FLRT2: variants seen among roughly 807,000 people sequenced by gnomAD.
FLRT2 encodes leucine-rich repeat transmembrane protein FLRT2.
A neutral mutation model predicts 40.0 loss-of-function variants in FLRT2; 15 were observed. The observed-to-expected ratio is 0.38, with a 90% CI of 0.25 to 0.58. The LOEUF is 0.58. FLRT2 is among the 20% of genes least tolerant of loss of function. The pLI is 0.71. For synonymous variants in FLRT2, 380 were observed against 336.8 expected (o/e 1.13, Z -1.41); for missense variants, 726 against 840.0 (o/e 0.86, Z 1.68).
chr14:85,555,911 C>T (rs1889930497), intron 1 of FLRT2, among the ~76,000 whole-genome samples: 1 of 151,712 alleles, frequency 6.6e-6, no homozygotes, highest in African/African-American at 2.4e-5. Flanking sequence ...TGGAAGAAAG[C>T]CAACTATTAA....
In FLRT2 at chr14:85,639,846, T is replaced by TA. The variant is rs1332140169; in HGVS notation, c.*16349_*16350insA. On this transcript the variant is annotated 3_prime_UTR_variant, in exon 2 of 2. Transcript: ENST00000330753. ...TAGCAGAAATTCTTTATTTTTTTTT[T>TA]TTTCCTTTTTTTTTTTTTTTGAGAC... 4 of 102,744 alleles carry TA rather than the reference T, an allele frequency of 3.9e-5. No individual in the cohort carries two copies. Among genetic ancestry groups the TA allele is most frequent in the African/African-American group, 1.6e-4 (4 of 24,594 alleles). The allele number at this position is 102,744 out of a possible 1,614,324, so 6.4% of individuals were successfully genotyped here.
intron 1 of FLRT2, among the ~76,000 whole-genome samples, chr14:85,564,654 G>A (rs975796256): frequency 4.6e-5 from 7 of 152,194 alleles, no homozygotes; most frequent in African/African-American, 1.4e-4. Context: ...CATGCACACC[G>A]TTTTCTGTGT....
intron 1 of FLRT2, among the ~76,000 whole-genome samples, chr14:85,594,593 A>G (rs1395575223): frequency 6.6e-6 from 1 of 152,214 alleles, no homozygotes; most frequent in Non-Finnish European, 1.5e-5. Flanking sequence ...CTCTGAAAGA[A>G]TGAGGGTCTT....
chr14:85,563,469 TG>T (rs1211701909), intron 1 of FLRT2, among the ~76,000 whole-genome samples: 1 of 152,182 alleles, frequency 6.6e-6, no homozygotes, highest in Non-Finnish European at 1.5e-5. Flanking sequence ...AAAGCATGGC[TG>T]GGGAGGCCTC....
chr14:85,544,920 G>GT (rs1889193851), intron 1 of FLRT2, among the ~76,000 whole-genome samples: 1 of 152,142 alleles, frequency 6.6e-6, no homozygotes, highest in Admixed American at 6.6e-5. Flanking sequence ...TGGCTGAAAA[G>GT]AGTAGAAGAG....
At chr14:85,583,743 C>CAG (rs1891493964) in intron 1 of FLRT2, among the ~76,000 whole-genome samples, 1 of 152,134 alleles carries the variant, frequency 6.6e-6, no homozygotes, top group African/African-American at 2.4e-5. Context: ...AGAGCAGAGG[C>CAG]AGAAGCCTCC....
Position 85,602,429 on chromosome 14 carries a change from C to T in FLRT2, c.-376-18710C>T, listed in dbSNP as rs535827106. The stretch of plus-strand genomic sequence containing the variant: ...CAATTGGAAGGCGAGATGGCACTTC[C>T]GATTTTATTAAAGCACGCTGGAGCT... On this transcript the variant is annotated intron_variant, in intron 1 of 1. Transcript: ENST00000330753. Among the ~76,000 whole-genome samples, 18 of 152,242 alleles carry T rather than the reference C, an allele frequency of 1.2e-4. No individual in the cohort carries two copies. The South Asian group carries it at 3.3e-3, about 28-fold the overall frequency.
intron 1 of FLRT2, among the ~76,000 whole-genome samples, chr14:85,605,885 G>A (rs976364107): frequency 3.9e-5 from 6 of 152,152 alleles, no homozygotes; most frequent in Middle Eastern, 6.8e-3. Context: ...CCATAGCACC[G>A]ATTGAATTCA....
chr14:85,598,536 T>G (rs553624020), intron 1 of FLRT2, among the ~76,000 whole-genome samples: 5 of 152,346 alleles, frequency 3.3e-5, no homozygotes, highest in Admixed American at 2.6e-4. Context: ...CAGCCCTTTA[T>G]GTCCACTGAA....
At chr14:85,601,824 A>G (rs568886192) in intron 1 of FLRT2, among the ~76,000 whole-genome samples, 1 of 152,360 alleles carries the variant, frequency 6.6e-6, no homozygotes, top group African/African-American at 2.4e-5. Flanking sequence ...TGGATAGCTA[A>G]GAAAGAGTAC....
At position 85,643,458 on chromosome 14, in the gene FLRT2, T is replaced by C. The variant is rs1364947247; in HGVS notation, c.*19961T>C. On this transcript the variant is annotated 3_prime_UTR_variant, in exon 2 of 2. Coordinates refer to ENST00000330753, the MANE Select transcript of FLRT2 (RefSeq NM_013231.6). The stretch of plus-strand genomic sequence containing the variant: ...CCCAGGCAGGAATGCAGTGGCGTGA[T>C]CTCAGCTCACTGCAACCTCCGCCTC... The C allele has an allele frequency of 6.6e-6, 1 of 152,078 alleles. No individual in the cohort carries two copies. The highest frequency in any genetic ancestry group is 1.5e-5 in the Non-Finnish European group (1 of 68,326). 9.4% of individuals were successfully genotyped at this position (152,078 alleles called of 1,614,324 possible).
At chr14:85,590,317 T>A (rs1047919511) in intron 1 of FLRT2, among the ~76,000 whole-genome samples, 6 of 152,224 alleles carry the variant, frequency 3.9e-5, no homozygotes, top group Admixed American at 3.9e-4. Flanking sequence ...TAGACGAATT[T>A]CCTTCCTCTT....
chr14:85,535,913 TTTTTTTTTGTTG>T (rs1190114548), intron 1 of FLRT2, among the ~76,000 whole-genome samples: 7 of 79,290 alleles, frequency 8.8e-5, no homozygotes, highest in African/African-American at 3.4e-4. Context: ...TTTTTTTTTT[TTTTTTTTTGTTG>T]TTGTTGTTGT....
rs1191892404 is a variant in FLRT2 at position 85,652,522 on chromosome 14, C to T, written c.*29025C>T. On this transcript the variant is annotated 3_prime_UTR_variant, in exon 2 of 2. Coordinates refer to ENST00000330753, the MANE Select transcript of FLRT2 (RefSeq NM_013231.6). ...AACGTTCTTCATCTGATTAAACAAACAAAAAACCCATCTTTATTTTTAGAC... is the reference window on the plus strand; with the variant it reads ...AACGTTCTTCATCTGATTAAACAAATAAAAAACCCATCTTTATTTTTAGAC... The T allele has an allele frequency of 6.6e-6, 1 of 151,764 alleles. No individual in the cohort carries two copies. Among genetic ancestry groups the T allele is most frequent in the African/African-American group, 2.4e-5 (1 of 41,348 alleles). The allele number at this position is 151,764 out of a possible 1,614,324, so 9.4% of individuals were successfully genotyped here. A position where few individuals can be genotyped will look rare whatever the true frequency, so the allele number is the denominator to read the frequency against.
chr14:85,605,541 C>T (rs554575888), intron 1 of FLRT2, among the ~76,000 whole-genome samples: 11 of 152,246 alleles, frequency 7.2e-5, no homozygotes, highest in African/African-American at 1.7e-4. Context: ...GAGGCCGAGG[C>T]GGACAGATCA....
intron 1 of FLRT2, among the ~76,000 whole-genome samples, chr14:85,564,965 A>T (rs12323592): frequency 0.031 from 4,794 of 152,296 alleles, 256 homozygotes; most frequent in African/African-American, 0.11. Flanking sequence ...CATTTCTATG[A>T]TAGCAAGAAA....
chr14:85,610,566 A>G (rs1478366032), intron 1 of FLRT2, among the ~76,000 whole-genome samples: 1 of 152,150 alleles, frequency 6.6e-6, no homozygotes. Context: ...TTGCCTTCTC[A>G]TTTCTCATAA....
chr14:85,564,109 C>T (rs1040232415), intron 1 of FLRT2, among the ~76,000 whole-genome samples: 6 of 152,206 alleles, frequency 3.9e-5, no homozygotes, highest in African/African-American at 1.4e-4. Flanking sequence ...TTTCTATGGC[C>T]CTGTTTTGAA....
At chr14:85,536,781 C>T (rs1888688661) in intron 1 of FLRT2, among the ~76,000 whole-genome samples, 2 of 151,824 alleles carry the variant, frequency 1.3e-5, no homozygotes, top group South Asian at 4.1e-4. Context: ...TGGATAATGA[C>T]ATTTAATTAC....
Sources: gnomAD v4.1 joint callset for allele counts (sites outside exome capture counted in the v4.1 genomes callset) on GRCh38, gnomAD v4.1.1 for gene constraint, MANE v1.5 for transcripts, NCBI Gene and HGNC (gene_info 2026-07-23, HGNC 2026-07-21) for gene names.